TTC17: variants seen among roughly 807,000 people sequenced by gnomAD.
TTC17 encodes tetratricopeptide repeat protein 17.
In TTC17, 58 loss-of-function variants were observed where a neutral mutation model predicts 143.8. The ratio of observed to expected loss-of-function variants is 0.40; its 90% CI spans 0.33 to 0.50. The LOEUF (loss-of-function observed/expected upper bound fraction) is 0.50, where lower values mean the gene tolerates loss of function less well. TTC17 is among the 20% of genes least tolerant of loss of function. The pLI, the probability that TTC17 is intolerant of heterozygous loss-of-function variation, is 0.49. For missense variants in TTC17, 1,273 were observed against 1,392.5 expected (o/e 0.91, Z 1.37); for synonymous variants, 501 against 497.8 (o/e 1.01, Z -0.09).
chr11:43,432,213 G>C (rs146649025), intron 16 of TTC17, among the ~76,000 whole-genome samples: 5 of 119,558 alleles, frequency 4.2e-5, no homozygotes, highest in African/African-American at 1.6e-4. Context: ...GACTTTACCC[G>C]TCAGGAGACT....
chr11:43,448,865 A>C (rs1947603127), intron 19 of TTC17: 1 of 151,284 alleles, frequency 6.6e-6, no homozygotes, highest in Non-Finnish European at 1.5e-5. Context: ...TTCTTTTCCT[A>C]TTTTTAGTAA....
intron 16 of TTC17, 60 bp from the exon 17 acceptor site, chr11:43,443,264 AC>A: frequency 6.3e-7 from 1 of 1,575,670 alleles, no homozygotes. Context: ...GGTTGGAGTC[AC>A]CCAAGGTCTT....
At chr11:43,392,916 C>A (rs1215579657) in intron 5 of TTC17, among the ~76,000 whole-genome samples, 2 of 152,162 alleles carry the variant, frequency 1.3e-5, no homozygotes, top group South Asian at 4.1e-4. Context: ...TAAGCTGACA[C>A]CTGAATCATA....
intron 1 of TTC17, among the ~76,000 whole-genome samples, chr11:43,375,233 A>G (rs1030187868): frequency 3.9e-5 from 6 of 152,224 alleles, no homozygotes; most frequent in Admixed American, 3.9e-4. Context: ...TTACTGGAGT[A>G]GTATCTCAGA....
intron 10 of TTC17, among the ~76,000 whole-genome samples, chr11:43,403,352 T>C (rs894943154): frequency 2.8e-4 from 42 of 152,310 alleles, no homozygotes; most frequent in African/African-American, 1.0e-3. Flanking sequence ...TCCTTTTCCT[T>C]TTGTCTTTCC....
intron 22 of TTC17, chr11:43,491,227 C>T (rs1948470069): frequency 6.6e-6 from 1 of 152,206 alleles, no homozygotes; most frequent in Admixed American, 6.5e-5. Context: ...CTTTCTGTTT[C>T]TTCTGTGTCT....
chr11:43,414,026 G>A (rs910679789), intron 15 of TTC17, among the ~76,000 whole-genome samples: 1 of 152,156 alleles, frequency 6.6e-6, no homozygotes, highest in Non-Finnish European at 1.5e-5. Context: ...GACGAAAGTG[G>A]AAATAGCCCA....
Position 43,358,924 on chromosome 11 carries a change from C to T in TTC17, c.-31C>T, listed in dbSNP as rs1313757051. 6.5e-7 allele frequency: 1 copy of T among 1,541,720 alleles called. No homozygotes were observed. Among genetic ancestry groups the T allele is most frequent in the East Asian group, 2.6e-5 (1 of 38,824 alleles). On this transcript the variant is annotated 5_prime_UTR_variant, in exon 1 of 24. Transcript: ENST00000039989. ...GGGCGCCGGAGACTAGCTTCCGCTT[C>T]CGGTGTGAGCGGCCCGGCCGGGGGG...
intron 16 of TTC17, among the ~76,000 whole-genome samples, chr11:43,428,986 C>T (rs1420695859): frequency 1.3e-5 from 2 of 152,150 alleles, no homozygotes; most frequent in East Asian, 1.9e-4. Flanking sequence ...GAATTTCATT[C>T]AGCAGTAATT....
intron 21 of TTC17, among the ~76,000 whole-genome samples, chr11:43,484,087 A>G (rs1298407951): frequency 6.6e-6 from 1 of 152,184 alleles, no homozygotes; most frequent in Non-Finnish European, 1.5e-5. Context: ...GGTTGCAGTG[A>G]GCCGAGATTG....
At chr11:43,391,698 A>G (rs1295995594) in intron 4 of TTC17, 122 bp downstream of exon 4, 11 of 1,330,348 alleles carry the variant, frequency 8.3e-6, no homozygotes, top group Non-Finnish European at 1.1e-5. Flanking sequence ...AATTTTATAG[A>G]CATCTCTTAT....
At position 43,443,475 on chromosome 11, in the gene TTC17, G is replaced by A. The variant is rs533471959; in HGVS notation, c.2402G>A (p.Arg801His). The change falls in exon 17 of 24, where the codon CGT becomes CAT. Residue 801 changes from arginine to histidine, a missense_variant. Arg to His is a conservative substitution (Grantham distance 29). Around this residue, in one of 3 missense-constraint regions of TTC17, gnomAD observed 878 missense variants for 899.8 expected, o/e 0.98. Transcript: ENST00000039989. ...GGTGCACTAGAGATGAAAGGGCGGC[G>A]TCTAGACTTACAAGGAATACGGGTG... ...FGGALEMKGR[R>H]LDLQGIRVLK... 96 of 1,614,042 alleles carry A rather than the reference G, an allele frequency of 5.9e-5. 1 individual carries two copies. Among genetic ancestry groups the A allele is most frequent in the Middle Eastern group, 1.6e-4 (1 of 6,082 alleles).
At position 43,420,212 on chromosome 11, in the gene TTC17, T is replaced by A. The variant is rs375198055; in HGVS notation, c.2251+5436T>A. On this transcript the variant is annotated intron_variant, in intron 16 of 23. Coordinates refer to ENST00000039989, the MANE Select transcript of TTC17 (RefSeq NM_018259.6). ...CTTTGGCGGAGCTGAAACTAAAAAG[T>A]GAGTCCTCTGTCTTCCAGGGCCAGT... Among the ~76,000 whole-genome samples, 14 of 152,342 alleles carry A rather than the reference T, an allele frequency of 9.2e-5. No homozygotes were observed. The East Asian group carries it at 9.6e-4, about 10-fold the overall frequency.
intron 21 of TTC17, among the ~76,000 whole-genome samples, chr11:43,474,741 T>C (rs752330639): frequency 6.6e-6 from 1 of 152,230 alleles, no homozygotes; most frequent in Non-Finnish European, 1.5e-5. Flanking sequence ...TAACTACTAA[T>C]AGCCCACTAT....
At chr11:43,432,454 G>A (rs112629590) in intron 16 of TTC17, among the ~76,000 whole-genome samples, 1,542 of 152,258 alleles carry the variant, frequency 0.01, 28 homozygotes, top group African/African-American at 0.035. Flanking sequence ...GCCAGGATTT[G>A]AATTAGATGC....
At chr11:43,386,843 G>T (rs1857188231) in intron 2 of TTC17, among the ~76,000 whole-genome samples, 1 of 152,100 alleles carries the variant, frequency 6.6e-6, no homozygotes, top group African/African-American at 2.4e-5. Flanking sequence ...CTGGAAAGCA[G>T]GTAGGATGAT....
chr11:43,447,044 A>T (rs1357372749), intron 18 of TTC17, among the ~76,000 whole-genome samples: 1 of 152,034 alleles, frequency 6.6e-6, no homozygotes, highest in African/African-American at 2.4e-5. Context: ...TTCAGGCCAG[A>T]TGCAGTGGCT....
intron 3 of TTC17, among the ~76,000 whole-genome samples, chr11:43,390,795 A>G (rs1857355625): frequency 6.6e-6 from 1 of 152,180 alleles, no homozygotes. Context: ...GAAAACATTT[A>G]GATAGTTTTC....
In TTC17 at chr11:43,377,253, A is replaced by T. The variant is rs200863868; in HGVS notation, c.160-1980A>T. ...GGTTGCAGTGAGTCGAGATCACACC[A>T]CTGCACTCCAGCCCAGGAGACAGAG... On this transcript the variant is annotated intron_variant, in intron 1 of 23. Transcript: ENST00000039989. Among the ~76,000 whole-genome samples the T allele has an allele frequency of 3.3e-5, 5 of 152,248 alleles. No homozygotes were observed. The East Asian group carries it at 9.7e-4, about 29-fold the overall frequency.
Sources: gnomAD v4.1 joint callset for allele counts (sites outside exome capture counted in the v4.1 genomes callset) on GRCh38, gnomAD v4.1.1 for gene constraint, gnomAD v4.1.1 regional missense constraint, MANE v1.5 for transcripts, NCBI Gene and HGNC (gene_info 2026-07-23, HGNC 2026-07-21) for gene names.